REPS1: variants seen among roughly 807,000 people sequenced by gnomAD.
REPS1 encodes ralBP1-associated Eps domain-containing protein 1.
Under a neutral mutation model 100.9 loss-of-function variants are expected in REPS1, and 39 were observed. The ratio of observed to expected loss-of-function variants is 0.39; its 90% CI spans 0.30 to 0.50. REPS1 has a LOEUF of 0.50. Ranked by LOEUF, REPS1 falls within the 20% of genes least tolerant of loss-of-function variation. The pLI, the probability that REPS1 is intolerant of heterozygous loss-of-function variation, is 0.86. For missense variants in REPS1, 821 were observed against 968.5 expected (o/e 0.85, Z 2.02); for synonymous variants, 324 against 340.3 (o/e 0.95, Z 0.53).
At chr6:138,962,064 G>A (rs1783772490) in intron 1 of REPS1, among the ~76,000 whole-genome samples, 1 of 152,162 alleles carries the variant, frequency 6.6e-6, no homozygotes. Context: ...TGCTAGTGTG[G>A]AGTCAAAATA....
At chr6:138,971,714 T>G (rs1276122301) in intron 1 of REPS1, among the ~76,000 whole-genome samples, 2 of 152,198 alleles carry the variant, frequency 1.3e-5, no homozygotes, top group Non-Finnish European at 2.9e-5. Flanking sequence ...GTTCTGTTCT[T>G]ACTGCCTCCT....
chr6:138,914,904 C>T (rs1275426625), intron 14 of REPS1, 143 bp from the exon 15 acceptor site: 2 of 712,390 alleles, frequency 2.8e-6, no homozygotes, highest in African/African-American at 1.8e-5. Context: ...TAACTTGTTA[C>T]ATGGTCTGTA....
At chr6:138,917,430 A>G in intron 13 of REPS1, 125 bp downstream of exon 13, 1 of 704,334 alleles carries the variant, frequency 1.4e-6, no homozygotes, top group Non-Finnish European at 2.3e-6. Context: ...TGTCTTTTAC[A>G]TAAATCAAAA....
intron 18 of REPS1, among the ~76,000 whole-genome samples, chr6:138,907,801 AT>A (rs1779759440): frequency 6.6e-6 from 1 of 152,074 alleles, no homozygotes; most frequent in African/African-American, 2.4e-5. Context: ...AAAAAAAGAA[AT>A]TATTAAAAAA....
chr6:138,922,277 CAA>C (rs1233561873), intron 10 of REPS1, among the ~76,000 whole-genome samples: 1 of 152,122 alleles, frequency 6.6e-6, no homozygotes, highest in African/African-American at 2.4e-5. Context: ...CGGATTAATT[CAA>C]AGTGTTTAAA....
At chr6:138,977,175 T>A (rs964662457) in intron 1 of REPS1, among the ~76,000 whole-genome samples, 3 of 152,246 alleles carry the variant, frequency 2.0e-5, no homozygotes, top group Admixed American at 6.5e-5. Context: ...AATCTAATTT[T>A]AGAATTTTTC....
At chr6:138,931,264 T>G (rs1781469562) in intron 8 of REPS1, among the ~76,000 whole-genome samples, 1 of 152,218 alleles carries the variant, frequency 6.6e-6, no homozygotes, top group East Asian at 1.9e-4. Flanking sequence ...CTCAATCTAT[T>G]CATCAGTAAA....
intron 9 of REPS1, chr6:138,928,497 A>G (rs1781282379): frequency 8.2e-6 from 1 of 121,402 alleles, no homozygotes; most frequent in East Asian, 2.1e-4. Context: ...TCACATATCG[A>G]AAAAAAATTA....
intron 10 of REPS1, among the ~76,000 whole-genome samples, chr6:138,923,721 A>G (rs1183295768): frequency 1.3e-5 from 2 of 152,226 alleles, no homozygotes; most frequent in Admixed American, 6.5e-5. Flanking sequence ...TGAAAGCTTA[A>G]TAACTAACCA....
chr6:138,977,912 T>C (rs1784688875), intron 1 of REPS1, among the ~76,000 whole-genome samples: 2 of 152,222 alleles, frequency 1.3e-5, no homozygotes, highest in South Asian at 4.1e-4. Context: ...CTAGGTATTG[T>C]CAGTCTTTTT....
At chr6:138,969,468 T>G (rs920561696) in intron 1 of REPS1, among the ~76,000 whole-genome samples, 58 of 149,786 alleles carry the variant, frequency 3.9e-4, no homozygotes, top group Non-Finnish European at 6.7e-4. Context: ...TTTTTTTTTT[T>G]GGTAGAGATG....
intron 1 of REPS1, among the ~76,000 whole-genome samples, chr6:138,953,900 C>G (rs76440284): frequency 2.4e-3 from 369 of 152,234 alleles, no homozygotes; most frequent in Non-Finnish European, 4.1e-3. Flanking sequence ...CCCATGTTTA[C>G]TGTGGTACTA....
At chr6:138,919,003 T>C (rs915547957) in intron 12 of REPS1, among the ~76,000 whole-genome samples, 16 of 152,212 alleles carry the variant, frequency 1.1e-4, no homozygotes, top group African/African-American at 9.7e-5. Flanking sequence ...AATCATCTAG[T>C]TGGTACAAGA....
At chr6:138,976,213 A>G (rs1261666049) in intron 1 of REPS1, among the ~76,000 whole-genome samples, 2 of 152,162 alleles carry the variant, frequency 1.3e-5, no homozygotes, top group Admixed American at 1.3e-4. Context: ...CCAGACAATG[A>G]TTTCTTGTTT....
chr6:138,907,082 T>C (rs1396730913), intron 19 of REPS1, among the ~76,000 whole-genome samples: 1 of 152,198 alleles, frequency 6.6e-6, no homozygotes, highest in Non-Finnish European at 1.5e-5. Flanking sequence ...CCTTTTCTCT[T>C]TCCACATGCA....
At chr6:138,953,784 A>C (rs1236861359) in intron 1 of REPS1, among the ~76,000 whole-genome samples, 1 of 152,126 alleles carries the variant, frequency 6.6e-6, no homozygotes, top group Admixed American at 6.5e-5. Context: ...GAACAGTATG[A>C]GGTCCCTCAA....
intron 10 of REPS1, among the ~76,000 whole-genome samples, chr6:138,923,340 G>A (rs1193130278): frequency 6.6e-6 from 1 of 152,070 alleles, no homozygotes; most frequent in African/African-American, 2.4e-5. Context: ...TAGTTCATGA[G>A]AAAATAAGTC....
At chr6:138,932,945 G>C (rs1042514590) in intron 8 of REPS1, among the ~76,000 whole-genome samples, 3 of 152,150 alleles carry the variant, frequency 2.0e-5, no homozygotes, top group African/African-American at 7.2e-5. Context: ...TTAAAGGCTT[G>C]ATATGTTGTG....
chr6:138,926,411 G>C lies in REPS1; in HGVS notation c.1328C>G (p.Pro443Arg), dbSNP rs1168528651. 6.2e-7 allele frequency: 1 copy of C among 1,609,732 alleles called. No individual in the cohort carries two copies. Among genetic ancestry groups the C allele is most frequent in the Non-Finnish European group, 8.5e-7 (1 of 1,176,504 alleles). The change falls in exon 10 of 20, where the codon CCA (proline) becomes CGA (arginine). Residue 443 changes from proline to arginine, a missense_variant. Pro to Arg is a moderately radical substitution (Grantham distance 103, BLOSUM62 -2). Around this residue, in one of 3 missense-constraint regions of REPS1, gnomAD observed 757 missense variants for 866.4 expected, o/e 0.87. Coordinates refer to ENST00000450536, the MANE Select transcript of REPS1 (RefSeq NM_001286611.2). ...AAGTGATTGACTTACAGGATCAGCT[G>C]GTGCAATGTTAGAATCAAATTGGGT... Reference protein sequence around the residue: ...TLTQFDSNIAPADPDTAIVHP... With the variant: ...TLTQFDSNIARADPDTAIVHP...
Sources: allele counts gnomAD v4.1 joint callset (sites outside exome capture counted in the v4.1 genomes callset), GRCh38; gene constraint gnomAD v4.1.1; regional missense constraint gnomAD v4.1.1; transcripts MANE v1.5; gene names NCBI Gene and HGNC (gene_info 2026-07-23, HGNC 2026-07-21).